CECR2: variants seen among roughly 807,000 people sequenced by gnomAD.
CECR2 encodes the protein CECR2 histone acetyl-lysine reader, also known as chromatin remodeling regulator CECR2.
CECR2 carries 30 observed loss-of-function variants against 154.5 expected under a neutral mutation model. The observed-to-expected ratio is 0.19, with a 90% confidence interval of 0.15 to 0.26. The LOEUF (loss-of-function observed/expected upper bound fraction) is 0.26. CECR2 is among the 10% of genes least tolerant of loss of function. CECR2 has a pLI of 1.00. For missense variants in CECR2, 1,743 were observed against 1,829.3 expected (o/e 0.95, Z 0.86); for synonymous variants, 725 against 683.7 (o/e 1.06, Z -0.94).
chr22:17,407,829 G>A (rs2522310), intron 1 of CECR2, among the ~76,000 whole-genome samples: 39,656 of 151,958 alleles, frequency 0.26, 6,875 homozygotes, highest in African/African-American at 0.49. Context: ...CCTACAGTGC[G>A]TAAGACAGCT....
In CECR2 at chr22:17,549,412, A is replaced by C; in HGVS notation, c.4125A>C (p.Pro1375=). The C allele has an allele frequency of 6.2e-7, 1 of 1,613,630 alleles. No individual in the cohort carries two copies. Among genetic ancestry groups the C allele is most frequent in the South Asian group, 1.1e-5 (1 of 91,066 alleles). ...SPVAALPPHH[P]GATQPNGLSQ... is the part of the protein sequence containing the mutation. ...TGGCTGCCCTCCCACCTCACCACCC[A>C]GGGGCCACCCAGCCCAACGGCCTCT... The change falls in exon 17 of 19, where the codon CCA becomes CCC. Residue 1375 remains proline (P), a synonymous_variant. Transcript: ENST00000262608.
intron 1 of CECR2, chr22:17,419,525 AGAAGAGGAAGAG>A (rs200071999): frequency 3.2e-5 from 6 of 185,006 alleles, no homozygotes; most frequent in Non-Finnish European, 5.9e-5. Context: ...AAGAAGAAGA[AGAAGAGGAAGAG>A]GAAGAGGAAG....
intron 1 of CECR2, among the ~76,000 whole-genome samples, chr22:17,421,614 CAAAAAAAAAA>C (rs34156323): frequency 5.1e-4 from 12 of 23,372 alleles, no homozygotes; most frequent in East Asian, 1.9e-3. Context: ...GACTCCGTCT[CAAAAAAAAAA>C]AAAAAAAAAA....
At chr22:17,494,199 G>A (rs145849835) in intron 2 of CECR2, among the ~76,000 whole-genome samples, 14 of 152,274 alleles carry the variant, frequency 9.2e-5, no homozygotes, top group African/African-American at 2.9e-4. Flanking sequence ...GGGTTCAAGC[G>A]ATTCTCCTGC....
At chr22:17,494,463 G>A (rs1344381140) in intron 2 of CECR2, among the ~76,000 whole-genome samples, 1 of 152,192 alleles carries the variant, frequency 6.6e-6, no homozygotes, top group Admixed American at 6.5e-5. Context: ...CAACTTCACA[G>A]ACAATGGAGA....
chr22:17,428,927 C>T (rs1221808650), intron 1 of CECR2, among the ~76,000 whole-genome samples: 1 of 151,566 alleles, frequency 6.6e-6, no homozygotes, highest in Non-Finnish European at 1.5e-5. Flanking sequence ...TCTAGGAGAA[C>T]AGGAGAGGGG....
chr22:17,511,689 C>A (rs1428713865), intron 7 of CECR2, 124 bp from the exon 8 acceptor site: 5 of 657,266 alleles, frequency 7.6e-6, no homozygotes. Context: ...CTAAGGAAGC[C>A]TTTGGCCCTA....
At chr22:17,405,434 GATAAA>G (rs932407026) in intron 1 of CECR2, among the ~76,000 whole-genome samples, 6 of 142,584 alleles carry the variant, frequency 4.2e-5, no homozygotes, top group African/African-American at 1.0e-4. Flanking sequence ...GATAAGATAA[GATAAA>G]ATAAGATAAA....
intron 1 of CECR2, among the ~76,000 whole-genome samples, chr22:17,390,961 C>T (rs1460666443): frequency 2.0e-5 from 3 of 152,064 alleles, no homozygotes; most frequent in Non-Finnish European, 2.9e-5. Context: ...TTCAGATGTT[C>T]GGTGAAGTTC....
intron 2 of CECR2, among the ~76,000 whole-genome samples, chr22:17,481,496 C>T (rs552930690): frequency 2.6e-5 from 4 of 152,160 alleles, no homozygotes; most frequent in Non-Finnish European, 4.4e-5. Flanking sequence ...ATGCCTAGTT[C>T]CTCCAAAGGC....
intron 1 of CECR2, among the ~76,000 whole-genome samples, chr22:17,459,762 C>T (rs2054908726): frequency 6.6e-6 from 1 of 152,244 alleles, no homozygotes; most frequent in African/African-American, 2.4e-5. Flanking sequence ...GTGCATCCTT[C>T]ACTCTTTGAA....
intron 1 of CECR2, among the ~76,000 whole-genome samples, chr22:17,470,766 G>A (rs1256575465): frequency 3.3e-5 from 5 of 151,970 alleles, no homozygotes; most frequent in East Asian, 1.9e-4. Flanking sequence ...CACTGGCCCC[G>A]TCACCTCTTC....
chr22:17,533,577 C>T (rs2056392511), intron 9 of CECR2, among the ~76,000 whole-genome samples: 2 of 151,354 alleles, frequency 1.3e-5, no homozygotes, highest in African/African-American at 4.9e-5. Context: ...CTACAGTGAC[C>T]TGAAATCACA....
chr22:17,522,424 C>G (rs2056174383), intron 8 of CECR2, among the ~76,000 whole-genome samples: 1 of 152,156 alleles, frequency 6.6e-6, no homozygotes, highest in African/African-American at 2.4e-5. Context: ...ATTCGGGAAG[C>G]AGTGGCCAGA....
At chr22:17,436,184 T>C (rs1163136047) in intron 1 of CECR2, among the ~76,000 whole-genome samples, 1 of 152,186 alleles carries the variant, frequency 6.6e-6, no homozygotes, top group East Asian at 1.9e-4. Context: ...GGTCTTGATC[T>C]CCTGATCTCG....
At chr22:17,539,655 T>C (rs150984451) in intron 13 of CECR2, among the ~76,000 whole-genome samples, 7,177 of 151,856 alleles carry the variant, frequency 0.047, 395 homozygotes, top group African/African-American at 0.13. Context: ...CCCTAGAACT[T>C]AAAGTATAAT....
At chr22:17,545,642 A>G (rs565359391) in intron 16 of CECR2, among the ~76,000 whole-genome samples, 1 of 151,864 alleles carries the variant, frequency 6.6e-6, no homozygotes, top group Non-Finnish European at 1.5e-5. Flanking sequence ...TAGGAGTTCA[A>G]AACTAGCCTG....
At chr22:17,546,327 A>C (rs1163642763) in intron 16 of CECR2, among the ~76,000 whole-genome samples, 3 of 151,948 alleles carry the variant, frequency 2.0e-5, no homozygotes, top group African/African-American at 7.3e-5. Context: ...CTGTACTAAA[A>C]ATACAAAAAA....
chr22:17,378,024 C>T (rs1330013123), intron 1 of CECR2, among the ~76,000 whole-genome samples: 7 of 152,028 alleles, frequency 4.6e-5, no homozygotes, highest in South Asian at 2.1e-4. Flanking sequence ...TGCTCTGTTG[C>T]CCAGGCTGGA....
Sources: gnomAD v4.1 joint callset for allele counts (sites outside exome capture counted in the v4.1 genomes callset) on GRCh38, gnomAD v4.1.1 for gene constraint, MANE v1.5 for transcripts, NCBI Gene and HGNC (gene_info 2026-07-23, HGNC 2026-07-21) for gene names.